Variants in KDM5A observed in about 807,000 individuals in gnomAD.
KDM5A encodes the protein lysine demethylase 5A, also known as lysine-specific demethylase 5A.
Under a neutral mutation model 193.5 loss-of-function variants are expected in KDM5A, and 42 were observed. The ratio of observed to expected loss-of-function variants is 0.22; its 90% CI spans 0.17 to 0.28. The LOEUF is 0.28. Among genes scored for constraint, KDM5A ranks in the 10% least tolerant of loss-of-function variants. The pLI is 1.00. For synonymous variants in KDM5A, 796 were observed against 718.1 expected (o/e 1.11, Z -1.73); for missense variants, 1,692 against 2,055.1 (o/e 0.82, Z 3.42).
At position 307,201 on chromosome 12, in the gene KDM5A, GTTC is replaced by G. The variant is rs1045854517; in HGVS notation, c.3931-115_3931-113del. 12 of 1,261,076 alleles carry G rather than the reference GTTC, an allele frequency of 9.5e-6. No homozygotes were observed. In the African/African-American group the frequency reaches 1.6e-4, roughly 17 times the overall value. The allele number at this position is 1,261,076 out of a possible 1,614,324, so 78.1% of individuals were successfully genotyped here. A position where few individuals can be genotyped will look rare whatever the true frequency, so the allele number is the denominator to read the frequency against. ...ATGAATAAGCAAAGTGGCTAACAGAGTTCTTCAACAGTTAGTAGAAATCAAATT... is the reference window on the plus strand; with the variant it reads ...ATGAATAAGCAAAGTGGCTAACAGAGTTCAACAGTTAGTAGAAATCAAATT... On this transcript the variant is annotated intron_variant, in intron 23 of 27. Transcript: ENST00000399788. This position sits in a 1 kb window ranked among gnomAD's most constrained non-coding sequence, Gnocchi z 4.3.
chr12:312,968 AT>A, intron 20 of KDM5A, 87 bp downstream of exon 20: 1 of 1,376,732 alleles, frequency 7.3e-7, no homozygotes, highest in East Asian at 2.4e-5. Flanking sequence ...TATTATGATT[AT>A]TCTATTCTAA....
At position 333,400 on chromosome 12, in the gene KDM5A, C is replaced by T. The variant is rs1247600903; in HGVS notation, c.1653+87G>A. 4 of 1,468,294 alleles carry T rather than the reference C, an allele frequency of 2.7e-6. No individual in the cohort carries two copies. In the Admixed American group the frequency reaches 7.1e-5, roughly 26 times the overall value. The allele number at this position is 1,468,294 out of a possible 1,614,324, so 91.0% of individuals were successfully genotyped here. A position where few individuals can be genotyped will look rare whatever the true frequency, so the allele number is the denominator to read the frequency against. ...TGCCGCTGCACTCCAGCCTGGGCAA[C>T]AGAGCAAGACCCTGTTTCAAAAAAA... On this transcript the variant is annotated intron_variant, in intron 12 of 27. Transcript: ENST00000399788.
chr12:290,429 G>A (rs957476442), intron 27 of KDM5A, among the ~76,000 whole-genome samples: 2 of 152,134 alleles, frequency 1.3e-5, no homozygotes, highest in South Asian at 4.1e-4. Flanking sequence ...TCACCTTTAC[G>A]TATCGTAACA....
intron 25 of KDM5A, among the ~76,000 whole-genome samples, chr12:296,626 T>A (rs969972175): frequency 1.3e-5 from 2 of 152,032 alleles, no homozygotes; most frequent in African/African-American, 2.4e-5. Context: ...AAAATTAACA[T>A]CACAGAGAAA....
At chr12:291,859 T>A (rs948281427) in intron 27 of KDM5A, among the ~76,000 whole-genome samples, 10 of 151,992 alleles carry the variant, frequency 6.6e-5, no homozygotes, top group African/African-American at 2.4e-4. Context: ...CATAAGAGAA[T>A]TACTATACTT....
At chr12:309,477 T>C (rs1591906150) in intron 22 of KDM5A, among the ~76,000 whole-genome samples, 1 of 152,326 alleles carries the variant, frequency 6.6e-6, no homozygotes, top group East Asian at 1.9e-4. Context: ...TCGCTTAAAG[T>C]TGCAGTGCAA....
intron 10 of KDM5A, among the ~76,000 whole-genome samples, chr12:348,503 A>C (rs1333583758): frequency 6.6e-6 from 1 of 152,252 alleles, no homozygotes; most frequent in South Asian, 2.1e-4. Context: ...AAAGACTTGG[A>C]ACCAACCCAA....
intron 3 of KDM5A, among the ~76,000 whole-genome samples, chr12:378,867 G>C (rs58011001): frequency 6.6e-6 from 1 of 151,574 alleles, no homozygotes; most frequent in African/African-American, 2.4e-5. Flanking sequence ...GCTGAGGCGG[G>C]AGAATGTCAT....
At chr12:322,256 G>T (rs1943726450) in intron 17 of KDM5A, 161 bp downstream of exon 17, 1 of 652,762 alleles carries the variant, frequency 1.5e-6, no homozygotes, top group African/African-American at 1.8e-5. Flanking sequence ...AGAAAGAAGG[G>T]AGAATAGTAG....
At chr12:381,883 C>G (rs1008636628) in intron 3 of KDM5A, among the ~76,000 whole-genome samples, 1 of 151,984 alleles carries the variant, frequency 6.6e-6, no homozygotes, top group African/African-American at 2.4e-5. Context: ...GACAGCTCAC[C>G]GCAGTCTTGA....
intron 3 of KDM5A, among the ~76,000 whole-genome samples, chr12:381,958 C>T (rs1944578432): frequency 6.6e-6 from 1 of 152,198 alleles, no homozygotes; most frequent in African/African-American, 2.4e-5. Flanking sequence ...AGGAGTCCAC[C>T]ACCATGCCAG....
chr12:310,326 A>G (rs1943567574), intron 21 of KDM5A, among the ~76,000 whole-genome samples: 1 of 152,150 alleles, frequency 6.6e-6, no homozygotes, highest in South Asian at 2.1e-4. Context: ...TGTGCTTCGG[A>G]GAAATACGAT....
In KDM5A at chr12:329,334, T is replaced by C. The variant is rs184423664; in HGVS notation, c.1774-305A>G. Among the ~76,000 whole-genome samples, 629 of 152,184 alleles carry C rather than the reference T, an allele frequency of 4.1e-3. 5 individuals are homozygous for C. The highest frequency in any genetic ancestry group is 0.01 in the Middle Eastern group (3 of 292). Reference sequence around the variant, plus strand: ...TTGGTATATAACTGAGGCAGCAAACTCTTTTAGACCAGTTTAACATGAGCC... The same window carrying C: ...TTGGTATATAACTGAGGCAGCAAACCCTTTTAGACCAGTTTAACATGAGCC... On this transcript the variant is annotated intron_variant, in intron 13 of 27. Coordinates refer to ENST00000399788, the MANE Select transcript of KDM5A (RefSeq NM_001042603.3).
In KDM5A at chr12:281,094, T is replaced by C; in HGVS notation, c.*4362A>G. 2 of 233,008 alleles carry C rather than the reference T, an allele frequency of 8.6e-6. No homozygotes were observed. The highest frequency in any genetic ancestry group is 1.7e-5 in the Non-Finnish European group (2 of 117,872). The allele number at this position is 233,008 out of a possible 1,614,324, so 14.4% of individuals were successfully genotyped here. On this transcript the variant is annotated 3_prime_UTR_variant, in exon 28 of 28. Transcript: ENST00000399788. ...AGGGTGGGTATGGGTGTGGGGAACC[T>C]GAGCATACACACAATTTTTTAAATC...
At chr12:337,094 G>C (rs1212977457) in intron 10 of KDM5A, among the ~76,000 whole-genome samples, 2 of 152,120 alleles carry the variant, frequency 1.3e-5, no homozygotes, top group African/African-American at 4.8e-5. Context: ...GAGTTCTCAC[G>C]AGATCTGGTT....
intron 3 of KDM5A, among the ~76,000 whole-genome samples, chr12:379,885 T>A (rs181011599): frequency 6.6e-6 from 1 of 152,130 alleles, no homozygotes; most frequent in African/African-American, 2.4e-5. Flanking sequence ...TGGATGACCG[T>A]TATAAGGAGA....
At chr12:363,727 T>TA (rs1440987934) in intron 4 of KDM5A, among the ~76,000 whole-genome samples, 1 of 152,046 alleles carries the variant, frequency 6.6e-6, no homozygotes. Flanking sequence ...AAAGATTTCT[T>TA]AAATATGACA....
chr12:341,772 C>T (rs754406141), intron 10 of KDM5A, among the ~76,000 whole-genome samples: 5 of 151,832 alleles, frequency 3.3e-5, no homozygotes, highest in Non-Finnish European at 7.4e-5. Flanking sequence ...TGGTAGTGGG[C>T]ACCTGTAATC....
chr12:307,032 A>G lies in KDM5A; in HGVS notation c.3988T>C (p.Ser1330Pro). The G allele has an allele frequency of 6.2e-7, 1 of 1,614,154 alleles. No homozygotes were observed. Among genetic ancestry groups the G allele is most frequent in the Non-Finnish European group, 8.5e-7 (1 of 1,180,002 alleles). The change falls in exon 24 of 28, where the codon TCT becomes CCT. Residue 1330 changes from serine (S) to proline (P), a missense_variant. Ser to Pro is a moderately conservative substitution (Grantham distance 74). Transcript: ENST00000399788. The surrounding 1 kb of genome is among the most constrained non-coding windows in gnomAD (Gnocchi z 4.3). Reference sequence around the variant, plus strand: ...TAGTCCATTGTTTGTCGAGGAGAAGATGACACACTGCTCACCACCCGGTTA... The same window carrying G: ...TAGTCCATTGTTTGTCGAGGAGAAGGTGACACACTGCTCACCACCCGGTTA... The part of the protein sequence containing the change: ...AFNRVVSSVS[S>P]SPRQTMDYDD...
Sources: allele counts gnomAD v4.1 joint callset (sites outside exome capture counted in the v4.1 genomes callset), GRCh38; gene constraint gnomAD v4.1.1; non-coding constraint Gnocchi (gnomAD v3.1); transcripts MANE v1.5; gene names NCBI Gene and HGNC (gene_info 2026-07-23, HGNC 2026-07-21).